WNT6: variants seen among roughly 807,000 people sequenced by gnomAD.
The protein encoded by WNT6 is protein Wnt-6.
Under a neutral mutation model 33.1 loss-of-function variants are expected in WNT6, and 27 were observed. The observed-to-expected ratio is 0.82, with a 90% CI of 0.60 to 1.12. The LOEUF is 1.12. Ranked by LOEUF, WNT6 falls within the 50% of genes most tolerant of loss-of-function variation. The pLI is 0.00. For missense variants in WNT6, 494 were observed against 535.3 expected, an observed-to-expected ratio of 0.92 and a Z score of 0.76; for synonymous variants, 249 against 242.8, an observed-to-expected ratio of 1.03 and a Z score of -0.24.
chr2:218,866,165 C>A (rs1456955165), intron 1 of WNT6, among the ~76,000 whole-genome samples: 9 of 152,316 alleles, frequency 5.9e-5, no homozygotes, highest in Non-Finnish European at 1.2e-4. Context: ...TGTGCAACCC[C>A]CACCCACAGC....
Position 218,871,708 on chromosome 2 carries a change from C to A in WNT6, c.525C>A (p.Asp175Glu). The change falls in exon 3 of 4, where the codon GAC (aspartate) becomes GAA (glutamate). Residue 175 changes from aspartate to glutamate, a missense_variant. Asp to Glu is a conservative substitution (Grantham distance 45). Transcript: ENST00000233948. The surrounding 1 kb of genome is among the most constrained non-coding windows in gnomAD (Gnocchi z 6.4). ...AAWEWGGCGDDVDFGDEKSRL... is the reference protein window; with the variant it reads ...AAWEWGGCGDEVDFGDEKSRL... The stretch of plus-strand genomic sequence containing the variant: ...GGGAGTGGGGAGGCTGCGGCGACGA[C>A]GTGGACTTCGGGGACGAGAAGTCGA... The A allele has an allele frequency of 6.3e-7, 1 of 1,587,518 alleles. No homozygotes were observed. The highest frequency in any genetic ancestry group is 1.1e-5 in the South Asian group (1 of 89,454).
At chr2:218,872,438 A>G (rs1944410837) in intron 3 of WNT6, among the ~76,000 whole-genome samples, 1 of 152,170 alleles carries the variant, frequency 6.6e-6, no homozygotes, top group African/African-American at 2.4e-5. Flanking sequence ...CTGGCTGCCC[A>G]GCAACACCAG....
rs116615898 is a variant in WNT6 at position 218,861,467 on chromosome 2, G to C, written c.80+1350G>C. Among the ~76,000 whole-genome samples, 674 of 152,216 alleles carry C rather than the reference G, an allele frequency of 4.4e-3. 3 individuals carry two copies. The highest frequency in any genetic ancestry group is 0.016 in the African/African-American group (649 of 41,538). On this transcript the variant is annotated intron_variant, in intron 1 of 3. Coordinates refer to ENST00000233948, the MANE Select transcript of WNT6 (RefSeq NM_006522.4). The stretch of plus-strand genomic sequence containing the variant: ...AACAGTCTCCCTACCTGGCAGGCTT[G>C]CTGGGAAGGTTAGGTGGGAGGACGT...
chr2:218,860,193 TC>T, intron 1 of WNT6, 76 bp downstream of exon 1: 1 of 1,305,774 alleles, frequency 7.7e-7, no homozygotes, highest in South Asian at 1.8e-5. Flanking sequence ...ACTGGGGTGT[TC>T]CGCAGCCTCC....
intron 1 of WNT6, among the ~76,000 whole-genome samples, chr2:218,864,904 A>G (rs13388102): frequency 0.38 from 57,953 of 152,106 alleles, 16,137 homozygotes; most frequent in African/African-American, 0.79. Flanking sequence ...GTGGGGTGTG[A>G]AAGGGGGTGG....
In WNT6 at chr2:218,871,833, G is replaced by T; in HGVS notation, c.636+14G>T. On this transcript the variant is annotated intron_variant, in intron 3 of 3. Transcript: ENST00000233948. The surrounding 1 kb of genome is among the most constrained non-coding windows in gnomAD (Gnocchi z 6.4). ...GCGGGCAGGCTGGTGCGTACGGGCA[G>T]GATGGAGTGAGTGTGTGCGGAAATG... 6.4e-7 allele frequency: 1 copy of T among 1,569,894 alleles called. No individual in the cohort carries two copies.
rs1200865778 is a variant in WNT6, at chr2:218,867,245, A to G, written c.81-3782A>G. The stretch of plus-strand genomic sequence containing the variant: ...TCATCTACTGTGTCTTGCAATAGGG[A>G]TCCCTCCACCAGTGGCCAGAGTCAG... On this transcript the variant is annotated intron_variant, in intron 1 of 3. Transcript: ENST00000233948. The surrounding 1 kb of genome is among the most constrained non-coding windows in gnomAD (Gnocchi z 4.9). Among the ~76,000 whole-genome samples, 1 of 152,108 alleles carries G rather than the reference A, an allele frequency of 6.6e-6. No individual in the cohort carries two copies. The highest frequency in any genetic ancestry group is 2.4e-5 in the African/African-American group (1 of 41,406).
chr2:218,869,553 TGGGACCCCTACC>T (rs1944381971), intron 1 of WNT6, among the ~76,000 whole-genome samples: 1 of 152,164 alleles, frequency 6.6e-6, no homozygotes, highest in Admixed American at 6.5e-5. Context: ...TTCTCTCTCC[TGGGACCCCTACC>T]CCCACCCTGT....
Position 218,865,344 on chromosome 2 carries a change from G to A in WNT6, c.80+5227G>A, listed in dbSNP as rs190285353. Among the ~76,000 whole-genome samples the A allele has an allele frequency of 1.1e-3, 170 of 152,318 alleles. 1 individual carries two copies. The highest frequency in any genetic ancestry group is 3.7e-3 in the African/African-American group (152 of 41,582). Reference sequence around the variant, plus strand: ...TCCTGCCTAGGCCAGGCACTCCCTCGGGTGCTTCTCCAGAACTGCCGGAGG... The same window carrying A: ...TCCTGCCTAGGCCAGGCACTCCCTCAGGTGCTTCTCCAGAACTGCCGGAGG... On this transcript the variant is annotated intron_variant, in intron 1 of 3. Coordinates refer to ENST00000233948, the MANE Select transcript of WNT6 (RefSeq NM_006522.4).
chr2:218,860,761 C>T (rs1944300869), intron 1 of WNT6, among the ~76,000 whole-genome samples: 1 of 151,898 alleles, frequency 6.6e-6, no homozygotes, highest in African/African-American at 2.4e-5. Context: ...GATACGGGAC[C>T]GGGAGGGGTC....
At chr2:218,865,516 A>C (rs991372174) in intron 1 of WNT6, among the ~76,000 whole-genome samples, 4 of 152,176 alleles carry the variant, frequency 2.6e-5, no homozygotes, top group African/African-American at 9.7e-5. Context: ...TTTCACTTAC[A>C]TGTGAGGGCA....
chr2:218,860,091 C>T lies in WNT6; in HGVS notation c.54C>T (p.Cys18=), dbSNP rs1326035419. Reference sequence around the variant, plus strand: ...GGCTGCTGCTGCTGCTGCTCCTGTGCCCGGCGCACGTCGGCGGACTGTGGT... The same window carrying T: ...GGCTGCTGCTGCTGCTGCTCCTGTGTCCGGCGCACGTCGGCGGACTGTGGT... ...RLGLLLLLLL[C]PAHVGGLWWA... Residue 18 remains cysteine (C), a synonymous_variant, in exon 1 of 4, where the codon TGC becomes TGT. Transcript: ENST00000233948. 1 of 1,526,760 alleles carries T rather than the reference C, an allele frequency of 6.5e-7. No homozygotes were observed. The highest frequency in any genetic ancestry group is 2.0e-5 in the Admixed American group (1 of 50,124). 94.6% of individuals were successfully genotyped at this position (1,526,760 alleles called of 1,614,324 possible). A position where few individuals can be genotyped will look rare whatever the true frequency, so the allele number is the denominator to read the frequency against.
chr2:218,862,914 AG>A (rs2106002030), intron 1 of WNT6, among the ~76,000 whole-genome samples: 1 of 152,038 alleles, frequency 6.6e-6, no homozygotes, highest in East Asian at 1.9e-4. Context: ...CATGTTGGTC[AG>A]GCTGGTCTCA....
intron 1 of WNT6, among the ~76,000 whole-genome samples, chr2:218,865,247 C>T (rs957300758): frequency 6.6e-6 from 1 of 152,210 alleles, no homozygotes; most frequent in Non-Finnish European, 1.5e-5. Flanking sequence ...TGTGGTCAGG[C>T]TGGCAGGAGG....
intron 1 of WNT6, among the ~76,000 whole-genome samples, chr2:218,861,004 A>G (rs1037992567): frequency 6.6e-6 from 1 of 152,194 alleles, no homozygotes; most frequent in Non-Finnish European, 1.5e-5. Context: ...CGCCCGGAAT[A>G]GCTCAGTGTT....
Position 218,871,944 on chromosome 2 carries a change from G to C in WNT6, c.636+125G>C. ...GAGGGGGGCGTTAATGTGTGGGGGA[G>C]TGCGCACGGGCGGAAAGATGGGCTG... On this transcript the variant is annotated intron_variant, in intron 3 of 3. Coordinates refer to ENST00000233948, the MANE Select transcript of WNT6 (RefSeq NM_006522.4). This position sits in a 1 kb window ranked among gnomAD's most constrained non-coding sequence, Gnocchi z 6.4. 1 of 435,982 alleles carries C rather than the reference G, an allele frequency of 2.3e-6. No homozygotes were observed. The highest frequency in any genetic ancestry group is 3.8e-6 in the Non-Finnish European group (1 of 260,728). 27.0% of individuals were successfully genotyped at this position (435,982 alleles called of 1,614,324 possible).
rs76716283 is a variant in WNT6, at chr2:218,867,769, C to T, written c.81-3258C>T. 7.3e-3 allele frequency among the ~76,000 whole-genome samples: 1,111 copies of T among 152,336 alleles called. 28 individuals are homozygous for T. Among genetic ancestry groups the T allele is most frequent in the East Asian group, 0.045 (236 of 5,196 alleles). Reference sequence around the variant, plus strand: ...CCAAAGGCCTGAAAAGCAGAGTTCACTCCCTAAGGAAGCATAAAGCGAGGA... The same window carrying T: ...CCAAAGGCCTGAAAAGCAGAGTTCATTCCCTAAGGAAGCATAAAGCGAGGA... On this transcript the variant is annotated intron_variant, in intron 1 of 3. Transcript: ENST00000233948. The surrounding 1 kb of genome is among the most constrained non-coding windows in gnomAD (Gnocchi z 4.9).
rs1277103808 is a variant in WNT6 at position 218,870,937 on chromosome 2, G to A, written c.81-90G>A. The A allele has an allele frequency of 8.6e-6, 11 of 1,280,022 alleles. No homozygotes were observed. The East Asian group carries it at 9.5e-5, about 11-fold the overall frequency. 79.3% of individuals were successfully genotyped at this position (1,280,022 alleles called of 1,614,324 possible). ...GGTGGGAGGGCATGTCACAGCTCCC[G>A]CTGCGGGCTGAGTGGGGCTGGTCCT... On this transcript the variant is annotated intron_variant, in intron 1 of 3. Coordinates refer to ENST00000233948, the MANE Select transcript of WNT6 (RefSeq NM_006522.4).
chr2:218,873,447 C>T lies in WNT6; in HGVS notation c.700C>T (p.Arg234Cys). 2.6e-6 allele frequency: 4 copies of T among 1,538,508 alleles called. No individual in the cohort carries two copies. The highest frequency in any genetic ancestry group is 2.6e-6 in the Non-Finnish European group (3 of 1,146,666). ...CGGGCTGTCGGGATCATGCGCGCTGCGCACCTGCTGGCAGAAGCTGCCTCC... is the reference window on the plus strand; with the variant it reads ...CGGGCTGTCGGGATCATGCGCGCTGTGCACCTGCTGGCAGAAGCTGCCTCC... ...CHGLSGSCAL[R>C]TCWQKLPPFR... Residue 234 changes from arginine (R) to cysteine (C), a missense_variant, in exon 4 of 4, where the codon CGC becomes TGC. By Grantham distance (180) the Arg-to-Cys change is radical (BLOSUM62 -3). Coordinates refer to ENST00000233948, the MANE Select transcript of WNT6 (RefSeq NM_006522.4). This position sits in a 1 kb window ranked among gnomAD's most constrained non-coding sequence, Gnocchi z 6.1.
Sources: allele counts gnomAD v4.1 joint callset (sites outside exome capture counted in the v4.1 genomes callset), GRCh38; gene constraint gnomAD v4.1.1; non-coding constraint Gnocchi (gnomAD v3.1); transcripts MANE v1.5; gene names NCBI Gene and HGNC (gene_info 2026-07-23, HGNC 2026-07-21).